Variants in CFAP58 observed in about 807,000 individuals in gnomAD.
CFAP58 encodes cilia and flagella associated protein 58.
A neutral mutation model predicts 119.5 loss-of-function variants in CFAP58; 88 were observed. The observed-to-expected ratio is 0.74, with a 90% CI of 0.62 to 0.88. The LOEUF (loss-of-function observed/expected upper bound fraction) is 0.88, where lower values mean the gene tolerates loss of function less well. Ranked by LOEUF, CFAP58 falls within the 40% of genes least tolerant of loss-of-function variation. The pLI, the probability that CFAP58 is intolerant of heterozygous loss-of-function variation, is 0.00. For synonymous variants in CFAP58, 365 were observed against 366.3 expected (o/e 1.00, Z 0.04); for missense variants, 990 against 1,021.2 (o/e 0.97, Z 0.42).
At chr10:104,435,174 T>C (rs2012912202) in intron 15 of CFAP58, among the ~76,000 whole-genome samples, 1 of 152,126 alleles carries the variant, frequency 6.6e-6, no homozygotes, top group Middle Eastern at 3.2e-3. Context: ...GTCAAATAAA[T>C]TCATGTTTAA....
intron 15 of CFAP58, among the ~76,000 whole-genome samples, chr10:104,445,819 ACTTTCTT>A (rs1199307339): frequency 6.6e-6 from 1 of 152,124 alleles, no homozygotes; most frequent in Non-Finnish European, 1.5e-5. Context: ...TTTCTTTCAA[ACTTTCTT>A]CTCTGTGTCT....
upstream of CFAP58, among the ~76,000 whole-genome samples, chr10:104,350,541 T>C (rs752155300): frequency 2.0e-4 from 31 of 152,220 alleles, no homozygotes; most frequent in Non-Finnish European, 3.7e-4. Context: ...TCCTATGAGC[T>C]GAACATGTCA....
chr10:104,426,795 A>G (rs1489352698), intron 15 of CFAP58, among the ~76,000 whole-genome samples: 1 of 152,234 alleles, frequency 6.6e-6, no homozygotes, highest in Non-Finnish European at 1.5e-5. Context: ...CCAACCTATC[A>G]TACTAAATAG....
chr10:104,357,086 T>C (rs1465307746), intron 1 of CFAP58, among the ~76,000 whole-genome samples: 4 of 152,170 alleles, frequency 2.6e-5, no homozygotes, highest in African/African-American at 9.7e-5. Flanking sequence ...CTGTTCCAAA[T>C]AAGGTCAGAT....
chr10:104,352,452 C>T (rs1589903601), upstream of CFAP58, among the ~76,000 whole-genome samples: 1 of 152,168 alleles, frequency 6.6e-6, no homozygotes, highest in Admixed American at 6.5e-5. Flanking sequence ...ACTTGGCTGG[C>T]GTACAGAGAT....
At chr10:104,444,915 C>T (rs1477199896) in intron 15 of CFAP58, among the ~76,000 whole-genome samples, 2 of 152,224 alleles carry the variant, frequency 1.3e-5, no homozygotes, top group Non-Finnish European at 2.9e-5. Flanking sequence ...ACTACCCAGA[C>T]AGCTTTAGTG....
intron 15 of CFAP58, among the ~76,000 whole-genome samples, chr10:104,428,820 T>C (rs1299001400): frequency 1.3e-5 from 2 of 152,206 alleles, no homozygotes; most frequent in Non-Finnish European, 2.9e-5. Context: ...GTAGCACTGA[T>C]GACTTGCGAT....
chr10:104,374,972 A>G (rs1207934022), intron 7 of CFAP58, among the ~76,000 whole-genome samples: 1 of 151,816 alleles, frequency 6.6e-6, no homozygotes, highest in Non-Finnish European at 1.5e-5. Flanking sequence ...ATGCACATTT[A>G]TAGTATGGAA....
intron 3 of CFAP58, among the ~76,000 whole-genome samples, chr10:104,364,280 A>G (rs1012420315): frequency 2.0e-5 from 3 of 152,198 alleles, no homozygotes; most frequent in Non-Finnish European, 4.4e-5. Context: ...ATTAATTACC[A>G]GAGTTGACAA....
chr10:104,347,593 A>T, the CFAP58 span, among the ~76,000 whole-genome samples: 1 of 152,050 alleles, frequency 6.6e-6, no homozygotes, highest in Non-Finnish European at 1.5e-5. Flanking sequence ...AAGGGCCCCA[A>T]ATGTAGTTTT....
At position 104,403,751 on chromosome 10, in the gene CFAP58, A is replaced by G. The variant is rs973795846; in HGVS notation, c.2062A>G (p.Arg688Gly). ...CAGACAGGAGTTTTTTCACATGCAA[A>G]GAGAATTGTTGAAGGAGAGGACACG... ...ELRQEFFHMQRELLKERTRCR... is the reference protein window; with the variant it reads ...ELRQEFFHMQGELLKERTRCR... The change falls in exon 14 of 18, where the codon AGA (arginine) becomes GGA (glycine). Residue 688 changes from arginine (R) to glycine (G), a missense_variant. Coordinates refer to ENST00000369704, the MANE Select transcript of CFAP58 (RefSeq NM_001008723.2). 1.2e-6 allele frequency: 2 copies of G among 1,611,420 alleles called. No individual in the cohort carries two copies. The highest frequency in any genetic ancestry group is 1.7e-6 in the Non-Finnish European group (2 of 1,179,008).
chr10:104,392,570 C>T (rs766485766), intron 10 of CFAP58, among the ~76,000 whole-genome samples, 176 bp downstream of exon 10: 33 of 150,796 alleles, frequency 2.2e-4, no homozygotes, highest in Admixed American at 9.2e-4. Flanking sequence ...AATGACACAT[C>T]TTAATAGGAT....
intron 7 of CFAP58, among the ~76,000 whole-genome samples, chr10:104,375,833 T>C (rs553047979): frequency 1.3e-5 from 2 of 152,300 alleles, no homozygotes; most frequent in African/African-American, 4.8e-5. Context: ...CATTTTCTGA[T>C]TGACAATTGG....
chr10:104,373,028 C>CT (rs1200421043), intron 7 of CFAP58, among the ~76,000 whole-genome samples: 1 of 151,952 alleles, frequency 6.6e-6, no homozygotes, highest in Non-Finnish European at 1.5e-5. Context: ...TAATAGAGTT[C>CT]AGTAGGGTGG....
intron 15 of CFAP58, among the ~76,000 whole-genome samples, chr10:104,417,263 C>G (rs548043376): frequency 3.5e-4 from 53 of 152,242 alleles, no homozygotes; most frequent in Non-Finnish European, 6.5e-4. Flanking sequence ...CCTTCCTATG[C>G]TTTGCTCTCC....
intron 10 of CFAP58, 76 bp downstream of exon 10, chr10:104,392,470 G>A (rs1435414599): frequency 3.7e-6 from 4 of 1,073,906 alleles, no homozygotes; most frequent in Non-Finnish European, 5.2e-6. Context: ...TTATCCTAAT[G>A]GCAGAATTTA....
intron 15 of CFAP58, among the ~76,000 whole-genome samples, chr10:104,420,013 C>G (rs1255498633): frequency 6.6e-6 from 1 of 151,976 alleles, no homozygotes; most frequent in Non-Finnish European, 1.5e-5. Context: ...AACTAAAGCT[C>G]AGATAGGTTT....
chr10:104,446,851 ATTGT>A (rs1354222306), intron 15 of CFAP58, among the ~76,000 whole-genome samples: 1 of 152,178 alleles, frequency 6.6e-6, no homozygotes, highest in Non-Finnish European at 1.5e-5. Context: ...AGGATTTCAT[ATTGT>A]TTATTGTTTA....
intron 16 of CFAP58, among the ~76,000 whole-genome samples, chr10:104,449,350 G>A (rs76562005): frequency 0.013 from 1,973 of 152,290 alleles, 35 homozygotes; most frequent in East Asian, 0.067. Flanking sequence ...CCTATTGCAT[G>A]CCTGTTAGAA....
Sources: allele counts gnomAD v4.1 joint callset (sites outside exome capture counted in the v4.1 genomes callset), GRCh38; gene constraint gnomAD v4.1.1; transcripts MANE v1.5; gene names NCBI Gene and HGNC (gene_info 2026-07-23, HGNC 2026-07-21).